The following CADM2 variants were observed in gnomAD, a reference collection of about 807,000 sequenced individuals.
CADM2 encodes cell adhesion molecule 2.
Under a neutral mutation model 49.8 loss-of-function variants are expected in CADM2, and 12 were observed. The observed-to-expected ratio is 0.24, with a 90% CI of 0.15 to 0.39. CADM2 has a LOEUF of 0.39. Ranked by LOEUF, CADM2 falls within the 10% of genes least tolerant of loss-of-function variation. The probability of loss-of-function intolerance (pLI) is 1.00; values close to 1 mark genes in which losing one functional copy is unlikely to be tolerated. For synonymous variants in CADM2, 214 were observed against 175.4 expected (o/e 1.22, Z -1.74); for missense variants, 378 against 492.3 (o/e 0.77, Z 2.20).
At chr3:85,466,767 G>A (rs2038511963) in intron 1 of CADM2, among the ~76,000 whole-genome samples, 1 of 151,638 alleles carries the variant, frequency 6.6e-6, no homozygotes, top group African/African-American at 2.4e-5. Context: ...TTACCTTGCT[G>A]TATTTTTTTT....
chr3:85,822,774 T>C (rs772515481), intron 3 of CADM2, among the ~76,000 whole-genome samples: 2 of 152,166 alleles, frequency 1.3e-5, no homozygotes, highest in African/African-American at 4.8e-5. Context: ...GTGGATCTTA[T>C]GTGACAAAAT....
intron 1 of CADM2, among the ~76,000 whole-genome samples, chr3:85,650,967 A>T (rs1372333409): frequency 1.3e-5 from 2 of 148,522 alleles, no homozygotes; most frequent in Admixed American, 1.4e-4. Flanking sequence ...ATTGGCTTCA[A>T]ATTGCGCCTT....
At chr3:85,392,669 A>G (rs933503340) in intron 1 of CADM2, among the ~76,000 whole-genome samples, 2 of 152,128 alleles carry the variant, frequency 1.3e-5, no homozygotes, top group African/African-American at 4.8e-5. Context: ...TGGTCAATAC[A>G]GTATAAAAAG....
chr3:85,539,468 C>A (rs557232522), intron 1 of CADM2, among the ~76,000 whole-genome samples: 1 of 152,058 alleles, frequency 6.6e-6, no homozygotes, highest in African/African-American at 2.4e-5. Context: ...ACAGAAATTC[C>A]TTTGCAAACA....
intron 1 of CADM2, among the ~76,000 whole-genome samples, chr3:85,339,233 A>G (rs2045174799): frequency 2.6e-5 from 4 of 151,464 alleles, no homozygotes. Context: ...TTAATATTTG[A>G]ATTTTTAAAA....
chr3:85,527,916 AT>A lies in CADM2; in HGVS notation c.62-198602del, dbSNP rs560959533. ...TTTAGTATGACCTTTCTTTTAGTCT[AT>A]TTTGAGTTCAGTCTATCTTCTTTTC... is the stretch of plus-strand genomic sequence containing the variant. On this transcript the variant is annotated intron_variant, in intron 1 of 9. Coordinates refer to ENST00000383699, the MANE Select transcript of CADM2 (RefSeq NM_001167675.2). 2.0e-3 allele frequency among the ~76,000 whole-genome samples: 307 copies of A among 152,252 alleles called. 2 individuals are homozygous for A. Among genetic ancestry groups the A allele is most frequent in the African/African-American group, 7.1e-3 (293 of 41,542 alleles).
At chr3:85,613,783 A>G (rs2063734414) in intron 1 of CADM2, among the ~76,000 whole-genome samples, 1 of 151,734 alleles carries the variant, frequency 6.6e-6, no homozygotes. Flanking sequence ...ATGCATTTTT[A>G]TTAATATCAG....
chr3:85,681,156 C>A (rs1435827698), intron 1 of CADM2, among the ~76,000 whole-genome samples: 1 of 151,966 alleles, frequency 6.6e-6, no homozygotes, highest in Non-Finnish European at 1.5e-5. Flanking sequence ...CACACTGGGG[C>A]CTAAATGTAG....
At chr3:85,906,883 G>T (rs1320691528) in intron 5 of CADM2, among the ~76,000 whole-genome samples, 1 of 152,146 alleles carries the variant, frequency 6.6e-6, no homozygotes, top group Non-Finnish European at 1.5e-5. Context: ...ACACAAAAAA[G>T]TATTGACATT....
At position 85,164,966 on chromosome 3, in the gene CADM2, A is replaced by ATG. The variant is rs142280188; in HGVS notation, c.61+205316_61+205317dup. Among the ~76,000 whole-genome samples the ATG allele has an allele frequency of 2.2e-3, 323 of 150,122 alleles. 2 individuals are homozygous for ATG. The highest frequency in any genetic ancestry group is 3.9e-3 in the African/African-American group (161 of 41,140). ...ATATAGAAAGTGTATGTGTGTACAT[A>ATG]TGTGTGTGTGTGTGTGTGTTTCACG... On this transcript the variant is annotated intron_variant, in intron 1 of 9. Coordinates refer to ENST00000383699, the MANE Select transcript of CADM2 (RefSeq NM_001167675.2).
chr3:85,829,461 A>C (rs1236058303), intron 3 of CADM2, among the ~76,000 whole-genome samples: 1 of 152,014 alleles, frequency 6.6e-6, no homozygotes, highest in Non-Finnish European at 1.5e-5. Context: ...ACTATGGAAA[A>C]AAATCACTAT....
intron 5 of CADM2, among the ~76,000 whole-genome samples, chr3:85,889,445 T>C (rs1204466696): frequency 2.6e-5 from 4 of 152,114 alleles, no homozygotes; most frequent in Non-Finnish European, 5.9e-5. Context: ...AGCCTGAAAA[T>C]GTGCGTGTTT....
intron 8 of CADM2, among the ~76,000 whole-genome samples, chr3:85,995,001 A>T (rs1007667919): frequency 6.1e-5 from 6 of 98,438 alleles, no homozygotes; most frequent in Non-Finnish European, 1.2e-4. Flanking sequence ...GTTGCCACAA[A>T]TCTTCGATTT....
At chr3:85,904,008 A>G (rs548435834) in intron 5 of CADM2, among the ~76,000 whole-genome samples, 1 of 152,102 alleles carries the variant, frequency 6.6e-6, no homozygotes, top group African/African-American at 2.4e-5. Context: ...TCTTTTATAA[A>G]CTATGGTTTA....
At chr3:85,981,251 A>G (rs542732474) in intron 8 of CADM2, among the ~76,000 whole-genome samples, 95 of 151,678 alleles carry the variant, frequency 6.3e-4, no homozygotes, top group African/African-American at 2.2e-3. Context: ...ACACGCCATT[A>G]TAGACTATTA....
rs531281795 is a variant in CADM2 at position 85,828,871 on chromosome 3, A to C, written c.238+26675A>C. Among the ~76,000 whole-genome samples the C allele has an allele frequency of 3.3e-5, 5 of 152,056 alleles. No homozygotes were observed. In the East Asian group the frequency reaches 9.7e-4, roughly 30 times the overall value. ...AAATGATAGATTCCCAGTAAATCCT[A>C]CTAAATGAGAAATGAGAGAAAAATA... is the stretch of plus-strand genomic sequence containing the variant. On this transcript the variant is annotated intron_variant, in intron 3 of 9. Transcript: ENST00000383699.
At chr3:85,626,376 A>G (rs909263294) in intron 1 of CADM2, among the ~76,000 whole-genome samples, 1 of 152,036 alleles carries the variant, frequency 6.6e-6, no homozygotes, top group Admixed American at 6.6e-5. Flanking sequence ...TTAATTTACA[A>G]TGAAATGAAA....
At chr3:85,842,480 A>G (rs2074681991) in intron 3 of CADM2, among the ~76,000 whole-genome samples, 1 of 152,170 alleles carries the variant, frequency 6.6e-6, no homozygotes, top group Non-Finnish European at 1.5e-5. Context: ...TGGAAAAACT[A>G]GACTTGGATC....
chr3:85,998,272 T>C (rs1273549201), intron 8 of CADM2, among the ~76,000 whole-genome samples: 1 of 152,186 alleles, frequency 6.6e-6, no homozygotes, highest in Non-Finnish European at 1.5e-5. Flanking sequence ...CCATGACTGA[T>C]ACTTTATTTT....
Sources: gnomAD v4.1 joint callset for allele counts (sites outside exome capture counted in the v4.1 genomes callset) on GRCh38, gnomAD v4.1.1 for gene constraint, MANE v1.5 for transcripts, NCBI Gene and HGNC (gene_info 2026-07-23, HGNC 2026-07-21) for gene names.